The following CSMD1 variants were observed in gnomAD, a reference collection of about 807,000 sequenced individuals.
CSMD1 encodes the protein CUB and sushi domain-containing protein 1.
In CSMD1, 213 loss-of-function variants were observed where a neutral mutation model predicts 417.5. The ratio of observed to expected loss-of-function variants is 0.51; its 90% CI spans 0.46 to 0.57. The LOEUF is 0.57. Ranked by LOEUF, CSMD1 falls within the 20% of genes least tolerant of loss-of-function variation. The pLI is 0.00. For synonymous variants in CSMD1, 2,862 were observed against 1,736.8 expected, an observed-to-expected ratio of 1.65 and a Z score of -16.11; for missense variants, 6,923 against 4,529.7, an observed-to-expected ratio of 1.53 and a Z score of -15.17.
intron 3 of CSMD1, among the ~76,000 whole-genome samples, chr8:4,200,100 A>T (rs868008669): frequency 6.6e-6 from 1 of 152,154 alleles, no homozygotes; most frequent in African/African-American, 2.4e-5. Flanking sequence ...GTAATAAGTT[A>T]TTTGAGATTA....
chr8:4,477,819 C>A (rs1167801902), intron 2 of CSMD1, among the ~76,000 whole-genome samples: 5 of 152,098 alleles, frequency 3.3e-5, no homozygotes. Context: ...TTAGTATGTG[C>A]TGTATTATAT....
chr8:4,195,893 G>T (rs1436240171), intron 3 of CSMD1, among the ~76,000 whole-genome samples: 2 of 152,078 alleles, frequency 1.3e-5, no homozygotes, highest in African/African-American at 2.4e-5. Context: ...ACTCAGCACA[G>T]TCCCACCCCG....
At chr8:3,007,440 T>C (rs944311801) in intron 52 of CSMD1, among the ~76,000 whole-genome samples, 1 of 151,254 alleles carries the variant, frequency 6.6e-6, no homozygotes, top group African/African-American at 2.5e-5. Context: ...CAAAGGACTA[T>C]AAATCATGCT....
At chr8:4,796,885 C>T (rs971756525) in intron 1 of CSMD1, among the ~76,000 whole-genome samples, 1 of 152,174 alleles carries the variant, frequency 6.6e-6, no homozygotes, top group African/African-American at 2.4e-5. Context: ...CATATGCACA[C>T]AACTGAAACG....
intron 5 of CSMD1, among the ~76,000 whole-genome samples, chr8:3,939,514 T>A (rs1348487228): frequency 6.6e-6 from 1 of 152,136 alleles, no homozygotes; most frequent in Non-Finnish European, 1.5e-5. Flanking sequence ...TAGATTCATT[T>A]GGTATCTACT....
chr8:3,789,143 A>C (rs1274436739), intron 5 of CSMD1, among the ~76,000 whole-genome samples: 1 of 152,150 alleles, frequency 6.6e-6, no homozygotes, highest in Non-Finnish European at 1.5e-5. Flanking sequence ...GTTTTAGAGC[A>C]ATGCCCCAGA....
chr8:4,006,129 A>C (rs1216122492), intron 4 of CSMD1, among the ~76,000 whole-genome samples: 2 of 152,342 alleles, frequency 1.3e-5, no homozygotes, highest in East Asian at 1.9e-4. Context: ...TGATATTCAC[A>C]TATCAACCAC....
At chr8:3,106,455 G>A (rs1336935640) in intron 46 of CSMD1, 73 bp downstream of exon 46, 9 of 867,866 alleles carry the variant, frequency 1.0e-5, no homozygotes, top group Admixed American at 4.6e-5. Flanking sequence ...ACAAAGAAAT[G>A]CAGACCAATA....
intron 2 of CSMD1, among the ~76,000 whole-genome samples, chr8:4,435,949 A>G (rs191535365): frequency 6.6e-6 from 1 of 152,306 alleles, no homozygotes; most frequent in African/African-American, 2.4e-5. Context: ...CTACATTCTT[A>G]GCCTTTACAT....
At chr8:3,607,588 C>T (rs1003957010) in intron 8 of CSMD1, among the ~76,000 whole-genome samples, 1 of 152,152 alleles carries the variant, frequency 6.6e-6, no homozygotes, top group South Asian at 2.1e-4. Context: ...GCTAGGAGAT[C>T]ACCAGGCAAT....
intron 4 of CSMD1, among the ~76,000 whole-genome samples, chr8:4,027,186 C>T (rs1226213288): frequency 6.6e-6 from 1 of 152,106 alleles, no homozygotes; most frequent in East Asian, 1.9e-4. Context: ...AGGTAAGAAG[C>T]ATATAGGAAG....
At chr8:4,084,641 G>C (rs775063791) in intron 3 of CSMD1, among the ~76,000 whole-genome samples, 9 of 152,110 alleles carry the variant, frequency 5.9e-5, no homozygotes, top group South Asian at 2.1e-4. Context: ...GCCCTCTTTA[G>C]TGATGGCACA....
chr8:4,823,743 A>C (rs1181907661), intron 1 of CSMD1, among the ~76,000 whole-genome samples: 1 of 152,058 alleles, frequency 6.6e-6, no homozygotes, highest in African/African-American at 2.4e-5. Flanking sequence ...AATGAGTTGA[A>C]AAACTTAGCC....
At chr8:3,224,957 T>G (rs1798410316) in intron 27 of CSMD1, among the ~76,000 whole-genome samples, 1 of 152,244 alleles carries the variant, frequency 6.6e-6, no homozygotes, top group Admixed American at 6.5e-5. Context: ...CAAGTTGTTT[T>G]AAAGCGTGAC....
chr8:4,745,523 T>C lies in CSMD1; in HGVS notation c.86-107965A>G, dbSNP rs920809288. Among the ~76,000 whole-genome samples, 8 of 152,196 alleles carry C rather than the reference T, an allele frequency of 5.3e-5. No individual in the cohort carries two copies. The East Asian group carries it at 1.5e-3, about 29-fold the overall frequency. On this transcript the variant is annotated intron_variant, in intron 1 of 69. Coordinates refer to ENST00000635120, the MANE Select transcript of CSMD1 (RefSeq NM_033225.6). Reference sequence around the variant, plus strand: ...AGTAACTTAACATTTTAAGAACCCATTCAGGCTTTTGTTTGTTCATCTGAC... The same window carrying C: ...AGTAACTTAACATTTTAAGAACCCACTCAGGCTTTTGTTTGTTCATCTGAC...
intron 1 of CSMD1, among the ~76,000 whole-genome samples, chr8:4,671,040 T>C (rs1805289580): frequency 6.6e-6 from 1 of 152,210 alleles, no homozygotes; most frequent in South Asian, 2.1e-4. Flanking sequence ...CCACTAATAA[T>C]TCTCAACACA....
At chr8:4,082,895 G>A (rs533956590) in intron 3 of CSMD1, among the ~76,000 whole-genome samples, 4 of 151,430 alleles carry the variant, frequency 2.6e-5, no homozygotes, top group Non-Finnish European at 4.4e-5. Flanking sequence ...ATACTTTACT[G>A]ACAATGATTA....
chr8:4,550,441 G>A (rs1409491488), intron 2 of CSMD1, among the ~76,000 whole-genome samples: 1 of 151,496 alleles, frequency 6.6e-6, no homozygotes, highest in African/African-American at 2.4e-5. Context: ...TAAAAAAACT[G>A]TAAACTAAAG....
intron 6 of CSMD1, among the ~76,000 whole-genome samples, chr8:3,723,298 T>C (rs924030034): frequency 1.3e-5 from 2 of 152,102 alleles, no homozygotes; most frequent in Non-Finnish European, 1.5e-5. Context: ...AAACCTCTTC[T>C]CAGGAAAAAG....
Sources: gnomAD v4.1 joint callset for allele counts (sites outside exome capture counted in the v4.1 genomes callset) on GRCh38, gnomAD v4.1.1 for gene constraint, MANE v1.5 for transcripts, NCBI Gene and HGNC (gene_info 2026-07-23, HGNC 2026-07-21) for gene names.